MAGI2: variants seen among roughly 807,000 people sequenced by gnomAD.
MAGI2 encodes the protein membrane associated guanylate kinase, WW and PDZ domain containing 2, also known as membrane-associated guanylate kinase, WW and PDZ domain-containing protein 2.
A neutral mutation model predicts 133.3 loss-of-function variants in MAGI2; 35 were observed. The observed-to-expected ratio is 0.26, with a 90% CI of 0.20 to 0.35. The LOEUF (loss-of-function observed/expected upper bound fraction) is 0.35. Among genes scored for constraint, MAGI2 ranks in the 10% least tolerant of loss-of-function variants. The pLI is 1.00. For synonymous variants in MAGI2, 729 were observed against 710.6 expected (o/e 1.03, Z -0.41); for missense variants, 1,636 against 1,863.4 (o/e 0.88, Z 2.25).
chr7:78,774,197 T>C (rs1825804820), intron 2 of MAGI2, among the ~76,000 whole-genome samples: 1 of 152,238 alleles, frequency 6.6e-6, no homozygotes, highest in African/African-American at 2.4e-5. Flanking sequence ...GGAAACATTG[T>C]TGATTTTAAT....
intron 2 of MAGI2, among the ~76,000 whole-genome samples, chr7:78,644,809 G>GA (rs1389408003): frequency 6.6e-5 from 10 of 151,158 alleles, no homozygotes; most frequent in African/African-American, 1.2e-4. Context: ...TAAATAAATA[G>GA]AAAAAAAATA....
At chr7:79,244,157 A>T (rs1832643662) in intron 1 of MAGI2, among the ~76,000 whole-genome samples, 1 of 152,208 alleles carries the variant, frequency 6.6e-6, no homozygotes, top group African/African-American at 2.4e-5. Context: ...TCTCTATTGA[A>T]ACAAATCTCA....
chr7:78,932,727 AG>A (rs1800230150), intron 2 of MAGI2, among the ~76,000 whole-genome samples: 1 of 152,138 alleles, frequency 6.6e-6, no homozygotes, highest in East Asian at 1.9e-4. Flanking sequence ...AAATTTGTAA[AG>A]CTTTATGGTC....
In MAGI2 at chr7:79,145,806, T is replaced by C. The variant is rs992080483; in HGVS notation, c.302-138600A>G. Among the ~76,000 whole-genome samples, 9 of 152,216 alleles carry C rather than the reference T, an allele frequency of 5.9e-5. No homozygotes were observed. The East Asian group carries it at 1.5e-3, about 26-fold the overall frequency. ...TTTCTCTAACCAAGGCTGATGCTAG[T>C]TGAAGTAGAAAAATTCAATTCATGA... On this transcript the variant is annotated intron_variant, in intron 1 of 21. Coordinates refer to ENST00000354212, the MANE Select transcript of MAGI2 (RefSeq NM_012301.4).
At chr7:78,617,699 A>G (rs1436500827) in intron 3 of MAGI2, 2 of 152,110 alleles carry the variant, frequency 1.3e-5, no homozygotes, top group Non-Finnish European at 2.9e-5. Context: ...AGCATGGTCA[A>G]TAGAGGCCTC....
chr7:79,165,754 A>C (rs1344277007), intron 1 of MAGI2, among the ~76,000 whole-genome samples: 1 of 152,120 alleles, frequency 6.6e-6, no homozygotes, highest in African/African-American at 2.4e-5. Context: ...CTCATGTCTC[A>C]TTCAACTTTC....
chr7:78,801,798 T>G (rs1377653597), intron 2 of MAGI2, among the ~76,000 whole-genome samples: 1 of 152,116 alleles, frequency 6.6e-6, no homozygotes, highest in Non-Finnish European at 1.5e-5. Flanking sequence ...TTATGAGTGA[T>G]CTCATTTATT....
chr7:78,773,076 T>C (rs926091919), intron 2 of MAGI2, among the ~76,000 whole-genome samples: 21 of 152,170 alleles, frequency 1.4e-4, no homozygotes, highest in African/African-American at 4.8e-4. Flanking sequence ...GGACAGACAG[T>C]GAGAAAGACA....
intron 20 of MAGI2, among the ~76,000 whole-genome samples, chr7:78,093,402 C>T (rs1451497579): frequency 3.3e-5 from 5 of 151,846 alleles, no homozygotes; most frequent in East Asian, 3.9e-4. Context: ...TGCAATGATC[C>T]GAGATCGTGC....
At chr7:78,488,186 G>A (rs1793241905) in intron 6 of MAGI2, among the ~76,000 whole-genome samples, 2 of 152,004 alleles carry the variant, frequency 1.3e-5, no homozygotes, top group Admixed American at 1.3e-4. Context: ...TCTAGAACTT[G>A]TTTCTCAATG....
chr7:78,995,784 G>A lies in MAGI2; in HGVS notation c.418+11306C>T, dbSNP rs577098030. Reference sequence around the variant, plus strand: ...TCTTCAGAAGCATGCTTATGGTTCTGACTTTCCAGAGCTTCTGTTACAGAG... The same window carrying A: ...TCTTCAGAAGCATGCTTATGGTTCTAACTTTCCAGAGCTTCTGTTACAGAG... On this transcript the variant is annotated intron_variant, in intron 2 of 21. Coordinates refer to ENST00000354212, the MANE Select transcript of MAGI2 (RefSeq NM_012301.4). Among the ~76,000 whole-genome samples, 6 of 152,050 alleles carry A rather than the reference G, an allele frequency of 3.9e-5. No homozygotes were observed. In the South Asian group the frequency reaches 1.2e-3, roughly 32 times the overall value.
At chr7:78,708,407 T>G (rs323170) in intron 2 of MAGI2, among the ~76,000 whole-genome samples, 103,270 of 152,034 alleles carry the variant, frequency 0.68, 35,215 homozygotes, top group East Asian at 0.84. Flanking sequence ...CTTTCAAGAA[T>G]AATTCAGAGC....
At chr7:79,375,987 T>A (rs1340829866) in intron 1 of MAGI2, among the ~76,000 whole-genome samples, 2 of 151,956 alleles carry the variant, frequency 1.3e-5, no homozygotes, top group Admixed American at 6.6e-5. Context: ...TCTTAAATGA[T>A]TCTTTTATAT....
intron 6 of MAGI2, among the ~76,000 whole-genome samples, chr7:78,443,321 G>A (rs1433894628): frequency 6.6e-6 from 1 of 151,958 alleles, no homozygotes; most frequent in Non-Finnish European, 1.5e-5. Flanking sequence ...GGAGAAGTGG[G>A]GTCCTATCTT....
At position 78,704,796 on chromosome 7, in the gene MAGI2, T is replaced by TTTTTTTTTTTC. The variant is rs1818459379; in HGVS notation, c.419-77558_419-77557insGAAAAAAAAAA. Among the ~76,000 whole-genome samples, 148 of 150,910 alleles carry TTTTTTTTTTTC rather than the reference T, an allele frequency of 9.8e-4. 2 individuals carry two copies. The highest frequency in any genetic ancestry group is 3.0e-3 in the African/African-American group (124 of 41,048). ...CATTATTCTTTTTTTTTTTTTTTTT[T>TTTTTTTTTTTC]CTGAAACGGAGTTTTACTCTGTTGC... On this transcript the variant is annotated intron_variant, in intron 2 of 21. Coordinates refer to ENST00000354212, the MANE Select transcript of MAGI2 (RefSeq NM_012301.4).
intron 1 of MAGI2, among the ~76,000 whole-genome samples, chr7:79,116,866 G>A (rs1819457873): frequency 1.3e-5 from 2 of 152,102 alleles, no homozygotes; most frequent in African/African-American, 2.4e-5. Flanking sequence ...ATGATTGTAA[G>A]CTTCCTGAGG....
intron 1 of MAGI2, among the ~76,000 whole-genome samples, chr7:79,416,731 C>CTTTTTTTTTTTTTTTTTT (rs1360457770): frequency 1.5e-5 from 2 of 129,292 alleles, no homozygotes; most frequent in African/African-American, 6.2e-5. Context: ...TTTTCTTTTT[C>CTTTTTTTTTTTTTTTTTT]TTTTTTTTTT....
intron 21 of MAGI2, among the ~76,000 whole-genome samples, chr7:78,049,911 TTGATATCTG>T (rs1397301847): frequency 1.3e-5 from 2 of 152,222 alleles, no homozygotes; most frequent in Non-Finnish European, 2.9e-5. Context: ...AACTTCAGAA[TTGATATCTG>T]TAATTTTCCA....
intron 3 of MAGI2, among the ~76,000 whole-genome samples, chr7:78,567,407 C>CAT (rs1392745067): frequency 6.6e-6 from 1 of 151,926 alleles, no homozygotes; most frequent in Non-Finnish European, 1.5e-5. Context: ...CACACACACA[C>CAT]ACACACACAC....
Sources: gnomAD v4.1 joint callset for allele counts (sites outside exome capture counted in the v4.1 genomes callset) on GRCh38, gnomAD v4.1.1 for gene constraint, MANE v1.5 for transcripts, NCBI Gene and HGNC (gene_info 2026-07-23, HGNC 2026-07-21) for gene names.